Variants in TIE1 observed in about 807,000 individuals in gnomAD.
TIE1 encodes the protein tyrosine kinase with immunoglobulin like and EGF like domains 1.
A neutral mutation model predicts 130.5 loss-of-function variants in TIE1; 89 were observed. The observed-to-expected ratio is 0.68, with a 90% CI of 0.57 to 0.81. The LOEUF (loss-of-function observed/expected upper bound fraction) is 0.81. Among genes scored for constraint, TIE1 ranks in the 40% least tolerant of loss-of-function variants. The probability of loss-of-function intolerance (pLI) is 0.00; values close to 1 mark genes in which losing one functional copy is unlikely to be tolerated. For missense variants in TIE1, 1,392 were observed against 1,559.8 expected (o/e 0.89, Z 1.81); for synonymous variants, 568 against 629.4 (o/e 0.90, Z 1.46).
At chr1:43,301,675 C>A (rs929301359) in intron 1 of TIE1, among the ~76,000 whole-genome samples, 1 of 151,428 alleles carries the variant, frequency 6.6e-6, no homozygotes, top group African/African-American at 2.4e-5. Flanking sequence ...TCGAGACCAG[C>A]CTGGCAAACA....
rs757244749 is a variant in TIE1, at chr1:43,313,161, G to A, written c.1954G>A (p.Ala652Thr). Residue 652 changes from alanine to threonine, a missense_variant, in exon 13 of 23, where the codon GCC becomes ACC. This residue lies in a region of TIE1 where 551 missense variants were observed against 565.5 expected (regional missense o/e 0.97). Transcript: ENST00000372476. This position sits in a 1 kb window ranked among gnomAD's most constrained non-coding sequence, Gnocchi z 6.2. Reference sequence around the variant, plus strand: ...GCCTCCAGCCCCCCGACACCTCCACGCCCAGGCCCTCTCAGACTCCGAGAT... The same window carrying A: ...GCCTCCAGCCCCCCGACACCTCCACACCCAGGCCCTCTCAGACTCCGAGAT... The part of the protein sequence containing the change: ...SGPPAPRHLH[A>T]QALSDSEIQL... 67 of 1,610,762 alleles carry A rather than the reference G, an allele frequency of 4.2e-5. No individual in the cohort carries two copies. The highest frequency in any genetic ancestry group is 2.9e-4 in the South Asian group (26 of 90,684).
intron 7 of TIE1, 101 bp downstream of exon 7, chr1:43,308,025 G>T (rs1251547767): frequency 6.6e-7 from 1 of 1,518,848 alleles, no homozygotes. Context: ...CCCTACGAGG[G>T]TCCAAGTCCT....
rs746868799 is a variant in TIE1, at chr1:43,318,078, T to C, written c.2922+6T>C. On this transcript the variant is annotated splice_donor_region_variant and intron_variant, in intron 17 of 22. Transcript: ENST00000372476. This position sits in a 1 kb window ranked among gnomAD's most constrained non-coding sequence, Gnocchi z 4.4. Reference sequence around the variant, plus strand: ...AGTACCTGAGTGAGAAGCAGGTGTGTGTGAGTGGGGGCGGGTGGAGGCCAG... The same window carrying C: ...AGTACCTGAGTGAGAAGCAGGTGTGCGTGAGTGGGGGCGGGTGGAGGCCAG... 1.3e-6 allele frequency: 2 copies of C among 1,532,792 alleles called. No individual in the cohort carries two copies. The highest frequency in any genetic ancestry group is 1.8e-6 in the Non-Finnish European group (2 of 1,139,164). 94.9% of individuals were successfully genotyped at this position (1,532,792 alleles called of 1,614,324 possible).
rs924149813 is a variant in TIE1, at chr1:43,316,029, C to G, written c.2410-1170C>G. Among the ~76,000 whole-genome samples the G allele has an allele frequency of 6.6e-6, 1 of 152,050 alleles. No individual in the cohort carries two copies. The highest frequency in any genetic ancestry group is 1.5e-5 in the Non-Finnish European group (1 of 67,992). ...AGCTGAGATCGTGCCATTGCCCTTC[C>G]GCCTGGGCAACAGAGCGAGACCTTG... On this transcript the variant is annotated intron_variant, in intron 14 of 22. Transcript: ENST00000372476. The surrounding 1 kb of genome is among the most constrained non-coding windows in gnomAD (Gnocchi z 4.4).
Position 43,316,176 on chromosome 1 carries a change from C to T in TIE1, c.2410-1023C>T, listed in dbSNP as rs1189581003. ...ACACGTGCATCCCCTGTGAGTGCCACATGTTTAAATGCGTGTGTCCCAGAT... is the reference window on the plus strand; with the variant it reads ...ACACGTGCATCCCCTGTGAGTGCCATATGTTTAAATGCGTGTGTCCCAGAT... On this transcript the variant is annotated intron_variant, in intron 14 of 22. Transcript: ENST00000372476. This position sits in a 1 kb window ranked among gnomAD's most constrained non-coding sequence, Gnocchi z 4.4. Among the ~76,000 whole-genome samples the T allele has an allele frequency of 6.6e-6, 1 of 152,246 alleles. No individual in the cohort carries two copies. Among genetic ancestry groups the T allele is most frequent in the Non-Finnish European group, 1.5e-5 (1 of 68,044 alleles).
rs1273003203 is a variant in TIE1, at chr1:43,313,359, A to G, written c.2152A>G (p.Met718Val). ...CGCCAGCACGCGCTACCTCTTCCGC[A>G]TGCGGGCCAGCATTCAGGGGCTCGG... Reference protein sequence around the residue: ...LNASTRYLFRMRASIQGLGDW... With the variant: ...LNASTRYLFRVRASIQGLGDW... The change falls in exon 13 of 23, where the codon ATG becomes GTG. Residue 718 changes from methionine to valine, a missense_variant. By Grantham distance (21) the Met-to-Val change is conservative. Coordinates refer to ENST00000372476, the MANE Select transcript of TIE1 (RefSeq NM_005424.5). The surrounding 1 kb of genome is among the most constrained non-coding windows in gnomAD (Gnocchi z 6.2). The G allele has an allele frequency of 6.2e-7, 1 of 1,614,040 alleles. No homozygotes were observed. The highest frequency in any genetic ancestry group is 1.7e-5 in the Admixed American group (1 of 60,010).
In TIE1 at chr1:43,317,322, A is replaced by G; in HGVS notation, c.2533A>G (p.Ile845Val). The G allele has an allele frequency of 6.2e-7, 1 of 1,614,134 alleles. No individual in the cohort carries two copies. The highest frequency in any genetic ancestry group is 8.5e-7 in the Non-Finnish European group (1 of 1,180,030). Reference sequence around the variant, plus strand: ...GGAGGACATCACCTTTGAGGACCTCATCGGGGAGGGGAACTTCGGCCAGGT... The same window carrying G: ...GGAGGACATCACCTTTGAGGACCTCGTCGGGGAGGGGAACTTCGGCCAGGT... ...EWEDITFEDL[I>V]GEGNFGQVIR... Residue 845 changes from isoleucine (I) to valine (V), a missense_variant, in exon 15 of 23, where the codon ATC becomes GTC. Around this residue, in one of 6 missense-constraint regions of TIE1, gnomAD observed 286 missense variants for 354.4 expected, o/e 0.81. Transcript: ENST00000372476. The surrounding 1 kb of genome is among the most constrained non-coding windows in gnomAD (Gnocchi z 5.1).
chr1:43,311,716 G>A lies in TIE1; in HGVS notation c.1379G>A (p.Ser460Asn). ...LAAPRLLTKQ[S>N]RQLVVSPLVS... ...GCACCTCGGCTCCTGACCAAGCAGAGCCGCCAGCTTGTGGTCTCCCCGCTG... is the reference window on the plus strand; with the variant it reads ...GCACCTCGGCTCCTGACCAAGCAGAACCGCCAGCTTGTGGTCTCCCCGCTG... Residue 460 changes from serine to asparagine, a missense_variant, in exon 10 of 23, where the codon AGC becomes AAC. By Grantham distance (46) the Ser-to-Asn change is conservative. Transcript: ENST00000372476. The A allele has an allele frequency of 6.2e-7, 1 of 1,614,036 alleles. No homozygotes were observed.
chr1:43,317,512 G>T lies in TIE1; in HGVS notation c.2621-52G>T. The T allele has an allele frequency of 6.2e-7, 1 of 1,608,996 alleles. No individual in the cohort carries two copies. Among genetic ancestry groups the T allele is most frequent in the Non-Finnish European group, 8.5e-7 (1 of 1,175,496 alleles). On this transcript the variant is annotated intron_variant, in intron 15 of 22. Transcript: ENST00000372476. The surrounding 1 kb of genome is among the most constrained non-coding windows in gnomAD (Gnocchi z 5.1). ...CAGCAATTGACCCCAGCCCTTGCCA[G>T]CCCTTTCTCCAGAGTTATTTCTGGC... is the stretch of plus-strand genomic sequence containing the variant.
Position 43,301,173 on chromosome 1 carries a change from GC to G in TIE1, c.58+47del, listed in dbSNP as rs776719749. 8.8e-6 allele frequency: 14 copies of G among 1,592,552 alleles called. No individual in the cohort carries two copies. The East Asian group carries it at 2.7e-4, about 31-fold the overall frequency. The stretch of plus-strand genomic sequence containing the variant: ...CCTCACCCCATTTCTAGGCCCCGAG[GC>G]CCTGATTTCTACCCAAGAAACCCTA... On this transcript the variant is annotated intron_variant, in intron 1 of 22. Transcript: ENST00000372476.
rs749984222 is a variant in TIE1, at chr1:43,307,115, TC to T, written c.641-26del. The T allele has an allele frequency of 4.9e-5, 79 of 1,613,716 alleles. 1 individual carries two copies. In the African/African-American group the frequency reaches 9.7e-4, roughly 20 times the overall value. ...TCCTCAGTGGTCAGGTGGGTGAGGG[TC>T]AGCTGCTGAAGACACCTTCCTCCAG... is the stretch of plus-strand genomic sequence containing the variant. On this transcript the variant is annotated intron_variant, in intron 4 of 22. Transcript: ENST00000372476. This position sits in a 1 kb window ranked among gnomAD's most constrained non-coding sequence, Gnocchi z 5.4.
At position 43,321,473 on chromosome 1, in the gene TIE1, C is replaced by T. The variant is rs749932083; in HGVS notation, c.3226C>T (p.Arg1076Ter). 12 of 1,613,336 alleles carry T rather than the reference C, an allele frequency of 7.4e-6. No individual in the cohort carries two copies. The highest frequency in any genetic ancestry group is 1.7e-5 in the Admixed American group (1 of 59,872). ...CCAGGGCTACCGCATGGAGCAGCCTCGAAACTGTGACGATGAAGTGTGAGT... is the reference window on the plus strand; with the variant it reads ...CCAGGGCTACCGCATGGAGCAGCCTTGAAACTGTGACGATGAAGTGTGAGT... ...LPQGYRMEQPRNCDDEVYELM... is the reference protein window; with the variant it reads ...LPQGYRMEQP Residue 1076 changes from arginine (R) to a stop codon, truncating the protein, a stop_gained, in exon 21 of 23, where the codon CGA (arginine) becomes TGA (stop). Transcript: ENST00000372476. LOFTEE classifies it high-confidence loss of function.
intron 7 of TIE1, 137 bp downstream of exon 7, chr1:43,308,061 G>A: frequency 3.0e-6 from 4 of 1,322,034 alleles, no homozygotes; most frequent in Non-Finnish European, 3.1e-6. Flanking sequence ...AGAGTCTGAT[G>A]GACAGGGAGC....
At position 43,312,183 on chromosome 1, in the gene TIE1, T is replaced by A. The variant is rs752610031; in HGVS notation, c.1630+52T>A. Reference sequence around the variant, plus strand: ...TGTCCCCCCAAGGGTTACTTTCCCGTCGACCCCAGGGACCCCTGCCTTTCC... The same window carrying A: ...TGTCCCCCCAAGGGTTACTTTCCCGACGACCCCAGGGACCCCTGCCTTTCC... On this transcript the variant is annotated intron_variant, in intron 11 of 22. Transcript: ENST00000372476. The surrounding 1 kb of genome is among the most constrained non-coding windows in gnomAD (Gnocchi z 5.6). 17 of 1,512,530 alleles carry A rather than the reference T, an allele frequency of 1.1e-5. No individual in the cohort carries two copies. The highest frequency in any genetic ancestry group is 3.6e-4 in the Middle Eastern group (2 of 5,598). The allele number at this position is 1,512,530 out of a possible 1,614,324, so 93.7% of individuals were successfully genotyped here. A position where few individuals can be genotyped will look rare whatever the true frequency, so the allele number is the denominator to read the frequency against.
In TIE1 at chr1:43,313,447, G is replaced by A. The variant is rs557519214; in HGVS notation, c.2218+22G>A. On this transcript the variant is annotated intron_variant, in intron 13 of 22. Coordinates refer to ENST00000372476, the MANE Select transcript of TIE1 (RefSeq NM_005424.5). This position sits in a 1 kb window ranked among gnomAD's most constrained non-coding sequence, Gnocchi z 6.2. ...AACGGTGAGAGGGCAGGGCCCACAG[G>A]ACCCCCCGGGCTCTGAGCGGGGAGA... 6.2e-7 allele frequency: 1 copy of A among 1,612,784 alleles called. No individual in the cohort carries two copies. Among genetic ancestry groups the A allele is most frequent in the African/African-American group, 1.3e-5 (1 of 74,984 alleles).
chr1:43,321,845 G>A, intron 22 of TIE1, 130 bp downstream of exon 22: 1 of 823,234 alleles, frequency 1.2e-6, no homozygotes, highest in Non-Finnish European at 1.9e-6. Flanking sequence ...CTGTCACCAC[G>A]GCTAGGCTGG....
intron 19 of TIE1, 64 bp from the exon 20 acceptor site, chr1:43,321,205 G>A: frequency 2.5e-6 from 4 of 1,574,884 alleles, no homozygotes; most frequent in Non-Finnish European, 3.5e-6. Context: ...TCTTGGGCAG[G>A]TAGAAGCTAA....
chr1:43,315,972 T>C lies in TIE1; in HGVS notation c.2410-1227T>C, dbSNP rs1174717713. Reference sequence around the variant, plus strand: ...TACTCGGGAGGCTGAGGTGGGAGGATTGCCTGTGCCCAAAAGCTCGAGGTA... The same window carrying C: ...TACTCGGGAGGCTGAGGTGGGAGGACTGCCTGTGCCCAAAAGCTCGAGGTA... On this transcript the variant is annotated intron_variant, in intron 14 of 22. Coordinates refer to ENST00000372476, the MANE Select transcript of TIE1 (RefSeq NM_005424.5). This position sits in a 1 kb window ranked among gnomAD's most constrained non-coding sequence, Gnocchi z 4.4. Among the ~76,000 whole-genome samples, 1 of 152,134 alleles carries C rather than the reference T, an allele frequency of 6.6e-6. No individual in the cohort carries two copies. The highest frequency in any genetic ancestry group is 1.5e-5 in the Non-Finnish European group (1 of 68,024).
Position 43,307,590 on chromosome 1 carries a change from TCATGGTCCCTGACCAAGA to T in TIE1, c.913+21_913+38del. On this transcript the variant is annotated intron_variant, in intron 6 of 22. Coordinates refer to ENST00000372476, the MANE Select transcript of TIE1 (RefSeq NM_005424.5). The surrounding 1 kb of genome is among the most constrained non-coding windows in gnomAD (Gnocchi z 5.4). The stretch of plus-strand genomic sequence containing the variant: ...CCAAGAAGGTATGCCTAACCTACCC[TCATGGTCCCTGACCAAGA>T]CAGCTGGCCAGGAGCTTGACCCGGA... 1 of 1,613,858 alleles carries T rather than the reference TCATGGTCCCTGACCAAGA, an allele frequency of 6.2e-7. No individual in the cohort carries two copies. Among genetic ancestry groups the T allele is most frequent in the Non-Finnish European group, 8.5e-7 (1 of 1,179,910 alleles).
Sources: gnomAD v4.1 joint callset for allele counts (sites outside exome capture counted in the v4.1 genomes callset) on GRCh38, gnomAD v4.1.1 for gene constraint, gnomAD v4.1.1 regional missense constraint, Gnocchi (gnomAD v3.1) non-coding constraint, MANE v1.5 for transcripts, NCBI Gene and HGNC (gene_info 2026-07-23, HGNC 2026-07-21) for gene names.